The following NALF1 variants were observed in gnomAD, a reference collection of about 807,000 sequenced individuals.
NALF1 encodes the protein NALCN channel auxiliary factor 1, also known as family with sequence similarity 155 member A.
A neutral mutation model predicts 48.4 loss-of-function variants in NALF1; 3 were observed. The ratio of observed to expected loss-of-function variants is 0.06; its 90% CI spans 0.03 to 0.16. The LOEUF is 0.16. NALF1 is among the 10% of genes least tolerant of loss of function. The pLI, the probability that NALF1 is intolerant of heterozygous loss-of-function variation, is 1.00. For synonymous variants in NALF1, 262 were observed against 245.7 expected (o/e 1.07, Z -0.62); for missense variants, 526 against 571.5 (o/e 0.92, Z 0.81).
At chr13:107,451,934 T>C (rs1333969556) in intron 1 of NALF1, among the ~76,000 whole-genome samples, 2 of 152,202 alleles carry the variant, frequency 1.3e-5, no homozygotes, top group Admixed American at 1.3e-4. Context: ...CCAAAGTAAT[T>C]CACCCCATCT....
At chr13:107,828,289 C>G (rs566583471) in intron 1 of NALF1, among the ~76,000 whole-genome samples, 1 of 152,240 alleles carries the variant, frequency 6.6e-6, no homozygotes, top group East Asian at 1.9e-4. Context: ...CACGTTACTG[C>G]GTGTGGTTCT....
intron 1 of NALF1, among the ~76,000 whole-genome samples, chr13:107,293,571 T>C (rs1881670592): frequency 1.3e-5 from 2 of 152,150 alleles, no homozygotes; most frequent in African/African-American, 4.8e-5. Context: ...CAACTCCACT[T>C]TATATGTCTG....
At chr13:107,678,248 A>G (rs2138492430) in intron 1 of NALF1, among the ~76,000 whole-genome samples, 1 of 152,162 alleles carries the variant, frequency 6.6e-6, no homozygotes, top group South Asian at 2.1e-4. Context: ...GGTGAACGGG[A>G]GGGATGAACT....
At chr13:107,725,579 C>T (rs1256570936) in intron 1 of NALF1, among the ~76,000 whole-genome samples, 3 of 151,962 alleles carry the variant, frequency 2.0e-5, no homozygotes, top group Non-Finnish European at 2.9e-5. Flanking sequence ...GGCGCAGAGG[C>T]GCACGCCTGT....
At chr13:107,742,166 A>G (rs1386223254) in intron 1 of NALF1, among the ~76,000 whole-genome samples, 1 of 152,196 alleles carries the variant, frequency 6.6e-6, no homozygotes, top group Non-Finnish European at 1.5e-5. Context: ...TGTGGGTCAC[A>G]TGGCCAGCTC....
At chr13:107,343,741 G>A (rs1423199891) in intron 1 of NALF1, among the ~76,000 whole-genome samples, 1 of 152,070 alleles carries the variant, frequency 6.6e-6, no homozygotes, top group African/African-American at 2.4e-5. Flanking sequence ...AAAGTTTATA[G>A]TGATAAAAAC....
In NALF1 at chr13:107,866,310, C is replaced by CGCTGCT. The variant is rs752579719; in HGVS notation, c.281_286dup (p.Gln94_Gln95dup). On this transcript the variant is annotated inframe_insertion, in exon 1 of 3. Coordinates refer to ENST00000375915, the MANE Select transcript of NALF1 (RefSeq NM_001080396.3). This position sits in a 1 kb window ranked among gnomAD's most constrained non-coding sequence, Gnocchi z 4.4. ...GGGCCAGGAGGGCTCCTGCTGCCGCCGCTGCTGCTGCTGCTGCTGCCGCTG... is the reference window on the plus strand; with the variant it reads ...GGGCCAGGAGGGCTCCTGCTGCCGCCGCTGCTGCTGCTGCTGCTGCTGCTGCCGCTG... 122 of 1,602,798 alleles carry CGCTGCT rather than the reference C, an allele frequency of 7.6e-5. No individual in the cohort carries two copies. In the East Asian group the frequency reaches 1.1e-3, roughly 14 times the overall value.
chr13:107,397,651 T>TA (rs1883734313), intron 1 of NALF1, among the ~76,000 whole-genome samples: 1 of 152,074 alleles, frequency 6.6e-6, no homozygotes, highest in Non-Finnish European at 1.5e-5. Context: ...ATTTTTTTTT[T>TA]ATCTTCCAAG....
At chr13:107,230,449 C>T (rs918970683) in intron 1 of NALF1, among the ~76,000 whole-genome samples, 1 of 151,980 alleles carries the variant, frequency 6.6e-6, no homozygotes. Flanking sequence ...AGTGAAAAAG[C>T]CTATATTGAT....
At chr13:107,694,390 GCT>G (rs555123925) in intron 1 of NALF1, among the ~76,000 whole-genome samples, 11 of 150,846 alleles carry the variant, frequency 7.3e-5, no homozygotes, top group Non-Finnish European at 1.6e-4. Flanking sequence ...ATTTGCTTCT[GCT>G]CTCTCTCTCT....
intron 1 of NALF1, among the ~76,000 whole-genome samples, chr13:107,368,619 C>T (rs902980964): frequency 2.1e-4 from 32 of 152,224 alleles, no homozygotes; most frequent in African/African-American, 7.5e-4. Context: ...GTAATCTCTG[C>T]CTGTCTTCAC....
intron 1 of NALF1, among the ~76,000 whole-genome samples, chr13:107,318,066 AC>A (rs1481064787): frequency 2.5e-4 from 38 of 152,212 alleles, no homozygotes; most frequent in Non-Finnish European, 4.7e-4. Flanking sequence ...GCATGCAAAT[AC>A]GGTAAGGAGA....
chr13:107,430,559 T>A (rs1364673818), intron 1 of NALF1, among the ~76,000 whole-genome samples: 1 of 152,188 alleles, frequency 6.6e-6, no homozygotes, highest in East Asian at 1.9e-4. Context: ...GGTTGGTTTT[T>A]TGTCCTTGCG....
At chr13:107,236,292 C>A (rs1175619085) in intron 1 of NALF1, among the ~76,000 whole-genome samples, 2 of 152,084 alleles carry the variant, frequency 1.3e-5, no homozygotes, top group African/African-American at 4.8e-5. Context: ...AGCAAAGTAC[C>A]AAAATTTCTC....
At chr13:107,284,758 A>C (rs9555340) in intron 1 of NALF1, among the ~76,000 whole-genome samples, 78 of 151,340 alleles carry the variant, frequency 5.2e-4, no homozygotes, top group Non-Finnish European at 8.5e-4. Flanking sequence ...CACAGAGAAG[A>C]CGTCATGTGG....
intron 1 of NALF1, among the ~76,000 whole-genome samples, chr13:107,298,491 G>GCC (rs1385262223): frequency 6.6e-6 from 1 of 151,264 alleles, no homozygotes; most frequent in African/African-American, 2.4e-5. Flanking sequence ...GAGTGCACTG[G>GCC]TGCAATCTCA....
intron 1 of NALF1, among the ~76,000 whole-genome samples, chr13:107,334,078 C>G (rs1594124802): frequency 6.6e-6 from 1 of 152,130 alleles, no homozygotes; most frequent in Non-Finnish European, 1.5e-5. Context: ...TAGAAACACA[C>G]ATTTTAAAGG....
intron 1 of NALF1, among the ~76,000 whole-genome samples, chr13:107,486,731 C>T (rs1885335644): frequency 6.6e-6 from 1 of 152,096 alleles, no homozygotes; most frequent in African/African-American, 2.4e-5. Context: ...GAAAGAAGCA[C>T]AAAAATGAGT....
At chr13:107,540,454 T>C (rs1876968976) in intron 1 of NALF1, among the ~76,000 whole-genome samples, 1 of 152,172 alleles carries the variant, frequency 6.6e-6, no homozygotes. Context: ...GGTTGTATCA[T>C]ATATCCTAAA....
Sources: allele counts gnomAD v4.1 joint callset (sites outside exome capture counted in the v4.1 genomes callset), GRCh38; gene constraint gnomAD v4.1.1; non-coding constraint Gnocchi (gnomAD v3.1); transcripts MANE v1.5; gene names NCBI Gene and HGNC (gene_info 2026-07-23, HGNC 2026-07-21).